The following CUBN variants were observed in gnomAD, a reference collection of about 807,000 sequenced individuals.
The protein encoded by CUBN is 460 kDa receptor.
In CUBN, 282 loss-of-function variants were observed where a neutral mutation model predicts 405.3. That is an observed-to-expected ratio of 0.70 (90% CI 0.63 to 0.77). The LOEUF (loss-of-function observed/expected upper bound fraction) is 0.77, where lower values mean the gene tolerates loss of function less well. Among genes scored for constraint, CUBN ranks in the 30% least tolerant of loss-of-function variants. The probability of loss-of-function intolerance (pLI) is 0.00; values close to 1 mark genes in which losing one functional copy is unlikely to be tolerated. For missense variants in CUBN, 4,514 were observed against 4,475.2 expected (o/e 1.01, Z -0.25); for synonymous variants, 1,684 against 1,617.0 (o/e 1.04, Z -0.99).
At chr10:17,052,783 A>G (rs1835301218) in intron 22 of CUBN, among the ~76,000 whole-genome samples, 2 of 144,038 alleles carry the variant, frequency 1.4e-5, no homozygotes, top group Non-Finnish European at 3.0e-5. Flanking sequence ...AAAAAAAAAA[A>G]AAAAGAGAGA....
At chr10:17,117,277 A>C (rs1483077827) in intron 6 of CUBN, among the ~76,000 whole-genome samples, 1 of 152,250 alleles carries the variant, frequency 6.6e-6, no homozygotes, top group Non-Finnish European at 1.5e-5. Flanking sequence ...CAGTTCATAC[A>C]CATATTTGAG....
At chr10:16,938,609 T>C (rs1191613780) in intron 38 of CUBN, among the ~76,000 whole-genome samples, 2 of 152,116 alleles carry the variant, frequency 1.3e-5, no homozygotes, top group Non-Finnish European at 2.9e-5. Flanking sequence ...TATATTTATA[T>C]TTATTTTTAT....
chr10:16,866,118 T>C (rs988481655), intron 59 of CUBN, among the ~76,000 whole-genome samples: 6 of 152,068 alleles, frequency 3.9e-5, no homozygotes, highest in African/African-American at 1.2e-4. Flanking sequence ...TCCCATCTAA[T>C]AGAGCCAAGT....
intron 31 of CUBN, among the ~76,000 whole-genome samples, chr10:16,962,941 A>C (rs1241780425): frequency 6.6e-6 from 1 of 152,158 alleles, no homozygotes; most frequent in Admixed American, 6.5e-5. Flanking sequence ...AGGCTTCCGA[A>C]GAATGAGGCT....
intron 56 of CUBN, among the ~76,000 whole-genome samples, chr10:16,885,376 T>C (rs182076115): frequency 6.6e-6 from 1 of 152,308 alleles, no homozygotes; most frequent in African/African-American, 2.4e-5. Flanking sequence ...GGCAAATCCA[T>C]TAGCGGAAGC....
At chr10:16,841,436 C>T (rs1243818358) in intron 60 of CUBN, among the ~76,000 whole-genome samples, 1 of 152,102 alleles carries the variant, frequency 6.6e-6, no homozygotes, top group Non-Finnish European at 1.5e-5. Flanking sequence ...TTTAGTGTAT[C>T]CTCAAAATGT....
At chr10:17,008,460 G>GTC (rs1834092350) in intron 28 of CUBN, among the ~76,000 whole-genome samples, 1 of 147,920 alleles carries the variant, frequency 6.8e-6, no homozygotes, top group South Asian at 2.1e-4. Context: ...GTGTGTGTGT[G>GTC]TGTGCGCGCT....
intron 28 of CUBN, among the ~76,000 whole-genome samples, chr10:16,997,332 G>A (rs1236662420): frequency 6.6e-6 from 1 of 151,996 alleles, no homozygotes; most frequent in Non-Finnish European, 1.5e-5. Context: ...CTACTCAGGA[G>A]GCTGAGGCAG....
At chr10:17,061,083 C>A (rs1347250238) in intron 22 of CUBN, among the ~76,000 whole-genome samples, 1 of 151,534 alleles carries the variant, frequency 6.6e-6, no homozygotes, top group Non-Finnish European at 1.5e-5. Flanking sequence ...AAAACAACAA[C>A]AAAAAAAACC....
In CUBN at chr10:16,954,521, A is replaced by G. The variant is rs1842999507; in HGVS notation, c.4723T>C (p.Ser1575Pro). The G allele has an allele frequency of 6.2e-7, 1 of 1,613,712 alleles. No individual in the cohort carries two copies. Among genetic ancestry groups the G allele is most frequent in the Admixed American group, 1.7e-5 (1 of 60,000 alleles). Residue 1575 changes from serine to proline, a missense_variant, in exon 32 of 67, where the codon TCC becomes CCC. By Grantham distance (74) the Ser-to-Pro change is moderately conservative. Transcript: ENST00000377833. ...MAYDGLSSTM[S>P]RLARTCGREQ... ...CTTCCACACGTCCTGGCAAGGCGGG[A>G]CATTGTGGAGCTTAAGCCATCGTAT...
At chr10:17,051,486 G>C (rs1207918304) in intron 22 of CUBN, among the ~76,000 whole-genome samples, 2 of 152,054 alleles carry the variant, frequency 1.3e-5, no homozygotes, top group African/African-American at 4.8e-5. Flanking sequence ...GATGATCCAG[G>C]TGTTAGATTT....
At position 16,910,213 on chromosome 10, in the gene CUBN, C is replaced by CTCTTCTCCCTCTTCTTCTTCTCCA. The variant is rs1289652985; in HGVS notation, c.7534-2535_7534-2534insTGGAGAAGAAGAAGAGGGAGAAGA. 5.9e-5 allele frequency among the ~76,000 whole-genome samples: 9 copies of CTCTTCTCCCTCTTCTTCTTCTCCA among 151,302 alleles called. No individual in the cohort carries two copies. In the East Asian group the frequency reaches 1.8e-3, roughly 30 times the overall value. Reference sequence around the variant, plus strand: ...CCTTCTCCCTCTTCTCCTTCTCCCTCTCTTCTCCCTCTTCTTCTTCTCCCT... The same window carrying CTCTTCTCCCTCTTCTTCTTCTCCA: ...CCTTCTCCCTCTTCTCCTTCTCCCTCTCTTCTCCCTCTTCTTCTTCTCCATCTTCTCCCTCTTCTTCTTCTCCCT... On this transcript the variant is annotated intron_variant, in intron 48 of 66. Transcript: ENST00000377833.
Position 16,841,013 on chromosome 10 carries a change from G to T in CUBN, c.9698C>A (p.Ala3233Asp), listed in dbSNP as rs1284530151. Residue 3233 changes from alanine (A) to aspartate (D), a missense_variant, in exon 61 of 67, where the codon GCT (alanine) becomes GAT (aspartate). By Grantham distance (126) the Ala-to-Asp change is moderately radical (BLOSUM62 -2). Transcript: ENST00000377833. The part of the protein sequence containing the change: ...YDGDSENANL[A>D]GTFCGSTVPA... ...TACTGTGGAACCACAAAACGTTCCAGCCAAGTTCGCATTTTCACTATCCCC... is the reference window on the plus strand; with the variant it reads ...TACTGTGGAACCACAAAACGTTCCATCCAAGTTCGCATTTTCACTATCCCC... The T allele has an allele frequency of 6.2e-7, 1 of 1,614,114 alleles. No homozygotes were observed. Among genetic ancestry groups the T allele is most frequent in the Middle Eastern group, 1.6e-4 (1 of 6,062 alleles).
Position 16,981,518 on chromosome 10 carries a change from G to A in CUBN, c.4695+966C>T, listed in dbSNP as rs1159375726. Among the ~76,000 whole-genome samples the A allele has an allele frequency of 3.3e-5, 5 of 152,120 alleles. 1 individual carries two copies. The highest frequency in any genetic ancestry group is 9.7e-5 in the African/African-American group (4 of 41,424). ...GGTTAACACTTAGCTGTCCATGGAC[G>A]GCAAATGCTAAAAGAGCACTGATTG... On this transcript the variant is annotated intron_variant, in intron 31 of 66. Coordinates refer to ENST00000377833, the MANE Select transcript of CUBN (RefSeq NM_001081.4).
chr10:17,053,624 G>C (rs1396232111), intron 22 of CUBN, among the ~76,000 whole-genome samples: 1 of 152,028 alleles, frequency 6.6e-6, no homozygotes, highest in Non-Finnish European at 1.5e-5. Flanking sequence ...ACCATGATTA[G>C]AGTTGAAGAT....
At chr10:16,907,746 TA>T in intron 48 of CUBN, 67 bp from the exon 49 acceptor site, 1 of 1,550,464 alleles carries the variant, frequency 6.4e-7, no homozygotes, top group African/African-American at 1.4e-5. Flanking sequence ...TAGGAGGTGA[TA>T]TTTCCAGCCC....
chr10:16,994,309 G>C (rs1833671800), intron 28 of CUBN, among the ~76,000 whole-genome samples: 1 of 151,970 alleles, frequency 6.6e-6, no homozygotes, highest in African/African-American at 2.4e-5. Context: ...GACATAAAAA[G>C]TGTTATTGCC....
chr10:16,925,798 G>C (rs780447392), intron 41 of CUBN, 24 bp from the exon 42 acceptor site: 2 of 1,610,246 alleles, frequency 1.2e-6, no homozygotes, highest in African/African-American at 1.3e-5. Flanking sequence ...AACAAAGGTC[G>C]GTTATTTAAA....
At chr10:16,829,342 G>GAGA (rs757196904) in intron 65 of CUBN, among the ~76,000 whole-genome samples, 18 of 121,152 alleles carry the variant, frequency 1.5e-4, no homozygotes, top group African/African-American at 5.5e-4. Flanking sequence ...GAGCAGAATG[G>GAGA]AAAAAAAAAA....
Sources: gnomAD v4.1 joint callset for allele counts (sites outside exome capture counted in the v4.1 genomes callset) on GRCh38, gnomAD v4.1.1 for gene constraint, MANE v1.5 for transcripts, NCBI Gene and HGNC (gene_info 2026-07-23, HGNC 2026-07-21) for gene names.